The following ESPL1 variants were observed in gnomAD, a reference collection of about 807,000 sequenced individuals.
The protein encoded by ESPL1 is separin.
In ESPL1, 50 loss-of-function variants were observed where a neutral mutation model predicts 217.2. The observed-to-expected ratio is 0.23, with a 90% CI of 0.18 to 0.29. The LOEUF is 0.29. ESPL1 is among the 10% of genes least tolerant of loss of function. The probability of loss-of-function intolerance (pLI) is 1.00; values close to 1 mark genes in which losing one functional copy is unlikely to be tolerated. For missense variants in ESPL1, 1,834 were observed against 2,603.0 expected (o/e 0.70, Z 6.43); for synonymous variants, 994 against 1,081.3 (o/e 0.92, Z 1.58).
At chr12:53,284,900 T>C (rs948785370) in intron 17 of ESPL1, among the ~76,000 whole-genome samples, 1 of 150,210 alleles carries the variant, frequency 6.7e-6, no homozygotes, top group Non-Finnish European at 1.5e-5. Context: ...TAATCCCAGC[T>C]ACTCAGAAGG....
In ESPL1 at chr12:53,289,169, C is replaced by G. The variant is rs1369846353; in HGVS notation, c.4788C>G (p.Leu1596=). 1.2e-6 allele frequency: 2 copies of G among 1,613,966 alleles called. No individual in the cohort carries two copies. The highest frequency in any genetic ancestry group is 1.7e-6 in the Non-Finnish European group (2 of 1,179,812). The change falls in exon 21 of 31, where the codon CTC becomes CTG. Residue 1596 remains leucine (L), a synonymous_variant. Transcript: ENST00000257934. The part of the protein sequence containing the change: ...RGISHCPPSG[L]YAHLCRFLAL... ...TTAGTCACTGTCCTCCTAGTGGGCTCTATGCCCACCTCTGCCGCTTCCTGG... is the reference window on the plus strand; with the variant it reads ...TTAGTCACTGTCCTCCTAGTGGGCTGTATGCCCACCTCTGCCGCTTCCTGG...
chr12:53,268,969 T>C, intron 2 of ESPL1, 55 bp from the exon 3 acceptor site: 1 of 1,530,146 alleles, frequency 6.5e-7, no homozygotes, highest in Non-Finnish European at 9.0e-7. Flanking sequence ...CTAGTTACTT[T>C]CTCTACCTCT....
Position 53,283,204 on chromosome 12 carries a change from G to A in ESPL1, c.2867G>A (p.Ser956Asn). ...LRSIILLLMG[S>N]DILSTQKAAV... ...AGCATCATCCTCCTGCTGATGGGCA[G>A]TGACATTCTCTCAACTCAGAAAGCA... The change falls in exon 15 of 31, where the codon AGT becomes AAT. Residue 956 changes from serine to asparagine, a missense_variant. By Grantham distance (46) the Ser-to-Asn change is conservative. Coordinates refer to ENST00000257934, the MANE Select transcript of ESPL1 (RefSeq NM_012291.5). 6.2e-7 allele frequency: 1 copy of A among 1,614,228 alleles called. No homozygotes were observed. The highest frequency in any genetic ancestry group is 1.3e-5 in the African/African-American group (1 of 75,058).
At chr12:53,283,328 C>A in intron 15 of ESPL1, 54 bp from the exon 16 acceptor site, 1 of 1,611,588 alleles carries the variant, frequency 6.2e-7, no homozygotes, top group Non-Finnish European at 8.5e-7. Flanking sequence ...GGTTTTTTCT[C>A]CAGAGGATCC....
chr12:53,272,086 C>CA (rs33920201), intron 5 of ESPL1, among the ~76,000 whole-genome samples: 44 of 137,138 alleles, frequency 3.2e-4, no homozygotes, highest in South Asian at 4.6e-4. Flanking sequence ...GACTCTGTCT[C>CA]AAAAAAAAAA....
rs778970591 is a variant in ESPL1 at position 53,276,837 on chromosome 12, G to A, written c.1918G>A (p.Asp640Asn). ...ACTGGCTCAGGTGCTCTGCTACCACGACTTTACGCAGCAGACCAACTGGTA... is the reference window on the plus strand; with the variant it reads ...ACTGGCTCAGGTGCTCTGCTACCACAACTTTACGCAGCAGACCAACTGGTA... ...VELAQVLCYH[D>N]FTQQTNCSAL... is the part of the protein sequence containing the mutation. Residue 640 changes from aspartate to asparagine, a missense_variant, in exon 8 of 31, where the codon GAC (aspartate) becomes AAC (asparagine). By Grantham distance (23) the Asp-to-Asn change is conservative. Transcript: ENST00000257934. 1.2e-5 allele frequency: 19 copies of A among 1,613,694 alleles called. No individual in the cohort carries two copies. The highest frequency in any genetic ancestry group is 1.6e-4 in the Middle Eastern group (1 of 6,084).
intron 16 of ESPL1, 47 bp downstream of exon 16, chr12:53,283,585 A>G: frequency 1.3e-6 from 2 of 1,568,114 alleles, no homozygotes; most frequent in Non-Finnish European, 8.7e-7. Flanking sequence ...CCAAAGTGCC[A>G]TGCACCCTTG....
In ESPL1 at chr12:53,293,039, A is replaced by G; in HGVS notation, c.6161+69A>G. On this transcript the variant is annotated intron_variant, in intron 30 of 30. Coordinates refer to ENST00000257934, the MANE Select transcript of ESPL1 (RefSeq NM_012291.5). The surrounding 1 kb of genome is among the most constrained non-coding windows in gnomAD (Gnocchi z 4.2). ...CTGCCCTCACCCCAGGTTCTTTCCC[A>G]GGTCTGAATCTTGCCTCTCTTGTGC... 5 of 1,474,406 alleles carry G rather than the reference A, an allele frequency of 3.4e-6. No individual in the cohort carries two copies. The South Asian group carries it at 5.0e-5, about 15-fold the overall frequency. 91.3% of individuals were successfully genotyped at this position (1,474,406 alleles called of 1,614,324 possible).
In ESPL1 at chr12:53,287,952, C is replaced by T; in HGVS notation, c.4177-20C>T. 6.4e-7 allele frequency: 1 copy of T among 1,567,944 alleles called. No individual in the cohort carries two copies. The highest frequency in any genetic ancestry group is 8.6e-7 in the Non-Finnish European group (1 of 1,157,804). On this transcript the variant is annotated intron_variant, in intron 18 of 30. Coordinates refer to ENST00000257934, the MANE Select transcript of ESPL1 (RefSeq NM_012291.5). ...TCACTGAAGACCTCTTAGCCCTTCA[C>T]CCTTTCACTCTGATCTCAGGTGAAC...
rs549361576 is a variant in ESPL1 at position 53,292,436 on chromosome 12, C to T, written c.5912+43C>T. On this transcript the variant is annotated intron_variant, in intron 28 of 30. Coordinates refer to ENST00000257934, the MANE Select transcript of ESPL1 (RefSeq NM_012291.5). This position sits in a 1 kb window ranked among gnomAD's most constrained non-coding sequence, Gnocchi z 4.5. ...AAGAAGACGTGTGGGGAAGGGTAGA[C>T]AACATACAGGGGCAACAAGCCTTTT... is the stretch of plus-strand genomic sequence containing the variant. The T allele has an allele frequency of 1.4e-6, 2 of 1,473,604 alleles. No homozygotes were observed. The highest frequency in any genetic ancestry group is 3.3e-5 in the Admixed American group (2 of 59,822). The allele number at this position is 1,473,604 out of a possible 1,614,324, so 91.3% of individuals were successfully genotyped here.
In ESPL1 at chr12:53,269,824, T is replaced by C. The variant is rs1371322441; in HGVS notation, c.882T>C (p.Cys294=). 6.2e-7 allele frequency: 1 copy of C among 1,614,202 alleles called. No individual in the cohort carries two copies. Among genetic ancestry groups the C allele is most frequent in the South Asian group, 1.1e-5 (1 of 91,082 alleles). The change falls in exon 3 of 31, where the codon TGT becomes TGC. Residue 294 remains cysteine, a synonymous_variant. Transcript: ENST00000257934. This position sits in a 1 kb window ranked among gnomAD's most constrained non-coding sequence, Gnocchi z 6.7. ...NTNLAPSLQL[C]QLGVKLLQVG... ...ATCTAGCCCCTAGCCTTCAGCTATG[T>C]CAGCTGGGGGTTAAGCTGCTGCAGG...
chr12:53,276,134 G>A (rs1244872997), intron 7 of ESPL1, among the ~76,000 whole-genome samples: 4 of 152,078 alleles, frequency 2.6e-5, no homozygotes, highest in African/African-American at 7.2e-5. Context: ...CATGAGCCTG[G>A]AAGATCAAGG....
chr12:53,274,818 T>C lies in ESPL1; in HGVS notation c.1508T>C (p.Leu503Ser). The change falls in exon 7 of 31, where the codon TTG becomes TCG. Residue 503 changes from leucine (L) to serine (S), a missense_variant and splice_region_variant. Leu to Ser is a moderately radical substitution (Grantham distance 145, BLOSUM62 -2). This residue lies in a region of ESPL1 where 746 missense variants were observed against 1,077.0 expected (regional missense o/e 0.69). Transcript: ENST00000257934. ...GTYPEVPPEKLHRCFRLQVES... is the reference protein window; with the variant it reads ...GTYPEVPPEKSHRCFRLQVES... Reference sequence around the variant, plus strand: ...GGTCTGTTCCCTTTCTCTGGTCAGTTGCACAGGTGCTTCCGGCTACAAGTA... The same window carrying C: ...GGTCTGTTCCCTTTCTCTGGTCAGTCGCACAGGTGCTTCCGGCTACAAGTA... 1 of 1,613,714 alleles carries C rather than the reference T, an allele frequency of 6.2e-7. No individual in the cohort carries two copies. The highest frequency in any genetic ancestry group is 8.5e-7 in the Non-Finnish European group (1 of 1,179,784).
rs776857445 is a variant in ESPL1 at position 53,292,530 on chromosome 12, C to A, written c.5913-44C>A. 2.6e-5 allele frequency: 40 copies of A among 1,541,450 alleles called. No homozygotes were observed. The highest frequency in any genetic ancestry group is 3.6e-5 in the Non-Finnish European group (40 of 1,116,416). On this transcript the variant is annotated intron_variant, in intron 28 of 30. Coordinates refer to ENST00000257934, the MANE Select transcript of ESPL1 (RefSeq NM_012291.5). The surrounding 1 kb of genome is among the most constrained non-coding windows in gnomAD (Gnocchi z 4.5). ...CTCTGCTGTCTTTGCCACCTGACCC[C>A]TGCCATGCATTTCCCTATTCTCACA... is the stretch of plus-strand genomic sequence containing the variant.
At chr12:53,287,168 G>T (rs960028507) in intron 18 of ESPL1, 20 of 331,638 alleles carry the variant, frequency 6.0e-5, no homozygotes, top group African/African-American at 3.7e-4. Flanking sequence ...CGCCTCTTGG[G>T]TTCACGCCAT....
chr12:53,290,169 A>G lies in ESPL1; in HGVS notation c.5198A>G (p.Asp1733Gly), dbSNP rs754026426. The G allele has an allele frequency of 2.5e-6, 4 of 1,614,194 alleles. No homozygotes were observed. Among genetic ancestry groups the G allele is most frequent in the Non-Finnish European group, 3.4e-6 (4 of 1,180,034 alleles). The change falls in exon 23 of 31, where the codon GAC becomes GGC. Residue 1733 changes from aspartate to glycine, a missense_variant. By Grantham distance (94) the Asp-to-Gly change is moderately conservative. Around this residue, in one of 5 missense-constraint regions of ESPL1, gnomAD observed 295 missense variants for 519.8 expected, o/e 0.57. Transcript: ENST00000257934. ...CTCCTGCTGACCCGGCTGGAAAAGG[A>G]CAGTCCCCCAGTCAGTGTGCAGATT... The part of the protein sequence containing the change: ...NTLLLTRLEK[D>G]SPPVSVQIPT...
In ESPL1 at chr12:53,286,479, A is replaced by G; in HGVS notation, c.3743A>G (p.Gln1248Arg). ...PSNESLQKVL[Q>R]SGLKFVAARI... The stretch of plus-strand genomic sequence containing the variant: ...AACGAGAGCCTGCAGAAGGTTCTAC[A>G]GTCAGGGCTGAAGTTTGTAGCAGCA... The change falls in exon 18 of 31, where the codon CAG (glutamine) becomes CGG (arginine). Residue 1248 changes from glutamine (Q) to arginine (R), a missense_variant. Gln to Arg is a conservative substitution (Grantham distance 43). Transcript: ENST00000257934. This position sits in a 1 kb window ranked among gnomAD's most constrained non-coding sequence, Gnocchi z 5.3. 1.2e-6 allele frequency: 2 copies of G among 1,614,210 alleles called. No individual in the cohort carries two copies. The highest frequency in any genetic ancestry group is 4.5e-5 in the East Asian group (2 of 44,884).
Position 53,289,271 on chromosome 12 carries a change from C to T in ESPL1, c.4890C>T (p.His1630=), listed in dbSNP as rs1375386942. 6.2e-7 allele frequency: 1 copy of T among 1,611,990 alleles called. No homozygotes were observed. Among genetic ancestry groups the T allele is most frequent in the East Asian group, 2.2e-5 (1 of 44,880 alleles). The change falls in exon 21 of 31, where the codon CAC becomes CAT. Residue 1630 remains histidine, a synonymous_variant. Coordinates refer to ENST00000257934, the MANE Select transcript of ESPL1 (RefSeq NM_012291.5). The stretch of plus-strand genomic sequence containing the variant: ...AGTCTGTCTCCATCACCTGTCGCCA[C>T]CAGCTGCTCACCCACCTCCACAGAC... ...VTESVSITCR[H]QLLTHLHRQL...
In ESPL1 at chr12:53,291,825, C is replaced by G; in HGVS notation, c.5656C>G (p.Pro1886Ala). Reference protein sequence around the residue: ...AVGRLQGLTVPSNSHLVLVLD... With the variant: ...AVGRLQGLTVASNSHLVLVLD... ...AGGACGTCTACAGGGCCTGACAGTACCAAGCAATAGCCACCTTGTCTTGGT... is the reference window on the plus strand; with the variant it reads ...AGGACGTCTACAGGGCCTGACAGTAGCAAGCAATAGCCACCTTGTCTTGGT... Residue 1886 changes from proline (P) to alanine (A), a missense_variant, in exon 26 of 31, where the codon CCA (proline) becomes GCA (alanine). Around this residue, in one of 5 missense-constraint regions of ESPL1, gnomAD observed 295 missense variants for 519.8 expected, o/e 0.57. Coordinates refer to ENST00000257934, the MANE Select transcript of ESPL1 (RefSeq NM_012291.5). 1 of 1,596,296 alleles carries G rather than the reference C, an allele frequency of 6.3e-7. No homozygotes were observed. The highest frequency in any genetic ancestry group is 8.5e-7 in the Non-Finnish European group (1 of 1,170,880).
Sources: allele counts gnomAD v4.1 joint callset (sites outside exome capture counted in the v4.1 genomes callset), GRCh38; gene constraint gnomAD v4.1.1; regional missense constraint gnomAD v4.1.1; non-coding constraint Gnocchi (gnomAD v3.1); transcripts MANE v1.5; gene names NCBI Gene and HGNC (gene_info 2026-07-23, HGNC 2026-07-21).